The following ZBTB41 variants were observed in gnomAD, a reference collection of about 807,000 sequenced individuals.
ZBTB41 encodes the protein zinc finger and BTB domain containing 41, also known as zinc finger and BTB domain-containing protein 41.
In ZBTB41, 42 loss-of-function variants were observed where a neutral mutation model predicts 87.6. That is an observed-to-expected ratio of 0.48 (90% CI 0.37 to 0.62). ZBTB41 has a LOEUF of 0.62. Among genes scored for constraint, ZBTB41 ranks in the 20% least tolerant of loss-of-function variants. The pLI is 0.00. For missense variants in ZBTB41, 799 were observed against 1,078.9 expected (o/e 0.74, Z 3.63); for synonymous variants, 364 against 364.0 (o/e 1.00, Z 0.00).
Position 197,159,431 on chromosome 1 carries a change from A to G in ZBTB41, c.2658T>C (p.Tyr886=), listed in dbSNP as rs1296101885. Residue 886 remains tyrosine, a synonymous_variant, in exon 11 of 11, where the codon TAT becomes TAC. Coordinates refer to ENST00000367405, the MANE Select transcript of ZBTB41 (RefSeq NM_194314.3). ...EQMLDPREQS[Y]LGTLLGLDST... is the part of the protein sequence containing the mutation. ...TATCAAGGCCCAGTAATGTTCCAAG[A>G]TAAGATTGTTCTCTAGGATCTAGCA... The G allele has an allele frequency of 2.5e-6, 4 of 1,613,822 alleles. No homozygotes were observed. The highest frequency in any genetic ancestry group is 2.2e-5 in the East Asian group (1 of 44,896).
chr1:197,195,295 A>G (rs1173099137), intron 2 of ZBTB41, among the ~76,000 whole-genome samples: 1 of 152,242 alleles, frequency 6.6e-6, no homozygotes, highest in Non-Finnish European at 1.5e-5. Context: ...TCAAATCAGA[A>G]GTCATAAATT....
chr1:197,178,196 C>A (rs1659658172), intron 7 of ZBTB41, among the ~76,000 whole-genome samples: 1 of 151,488 alleles, frequency 6.6e-6, no homozygotes, highest in African/African-American at 2.4e-5. Context: ...AAGCCTTCTG[C>A]AAACTTGGTG....
chr1:197,166,614 G>A (rs1659349797), intron 10 of ZBTB41, among the ~76,000 whole-genome samples: 1 of 151,946 alleles, frequency 6.6e-6, no homozygotes, highest in Non-Finnish European at 1.5e-5. Context: ...GGGAGGCCGA[G>A]GTGGGTAGAT....
chr1:197,175,071 G>A lies in ZBTB41; in HGVS notation c.1924C>T (p.Arg642Cys), dbSNP rs984565878. 12 of 1,610,760 alleles carry A rather than the reference G, an allele frequency of 7.4e-6. No homozygotes were observed. The highest frequency in any genetic ancestry group is 2.2e-5 in the East Asian group (1 of 44,714). ...QCEECGKCFG[R>C]RDHLTVHYKS... ...TAATGAACAGTGAGATGATCCCTAC[G>A]ACCAAAACATTTTCCACATTCTTCA... The change falls in exon 9 of 11, where the codon CGT (arginine) becomes TGT (cysteine). Residue 642 changes from arginine to cysteine, a missense_variant. This residue lies in a region of ZBTB41 where 198 missense variants were observed against 358.4 expected (regional missense o/e 0.55). Transcript: ENST00000367405.
At chr1:197,179,812 T>C (rs1571657895) in intron 6 of ZBTB41, among the ~76,000 whole-genome samples, 1 of 152,198 alleles carries the variant, frequency 6.6e-6, no homozygotes, top group East Asian at 1.9e-4. Context: ...GAAAATAAAA[T>C]ATCTTTATGC....
At position 197,176,596 on chromosome 1, in the gene ZBTB41, T is replaced by C; in HGVS notation, c.1847A>G (p.Asp616Gly). ...TATTTTTTTGTGCTTTGTAAGGTGA[T>C]CATGACGGATAAATGTTTTTCCACA... Reference protein sequence around the residue: ...DECGKTFIRHDHLTKHKKIHS... With the variant: ...DECGKTFIRHGHLTKHKKIHS... Residue 616 changes from aspartate (D) to glycine (G), a missense_variant, in exon 8 of 11, where the codon GAT (aspartate) becomes GGT (glycine). Asp to Gly is a moderately conservative substitution (Grantham distance 94). Transcript: ENST00000367405. The C allele has an allele frequency of 6.2e-7, 1 of 1,612,224 alleles. No homozygotes were observed. Among genetic ancestry groups the C allele is most frequent in the South Asian group, 1.1e-5 (1 of 91,016 alleles).
chr1:197,174,883 C>T, intron 9 of ZBTB41, 127 bp downstream of exon 9: 1 of 613,598 alleles, frequency 1.6e-6, no homozygotes, highest in Non-Finnish European at 2.7e-6. Context: ...TATAGAGATG[C>T]TACAGAATGT....
At chr1:197,172,384 C>G (rs548724047) in intron 9 of ZBTB41, 136 bp from the exon 10 acceptor site, 10 of 244,660 alleles carry the variant, frequency 4.1e-5, no homozygotes, top group African/African-American at 6.9e-5. Flanking sequence ...GTATATAATT[C>G]TCACATTAAC....
intron 2 of ZBTB41, among the ~76,000 whole-genome samples, chr1:197,194,079 C>T (rs985237158): frequency 1.3e-5 from 2 of 151,852 alleles, no homozygotes; most frequent in East Asian, 1.9e-4. Context: ...AGTGCACTGG[C>T]GCGATCTCGG....
At chr1:197,166,588 G>A (rs939573636) in intron 10 of ZBTB41, among the ~76,000 whole-genome samples, 6 of 152,058 alleles carry the variant, frequency 3.9e-5, no homozygotes, top group African/African-American at 1.4e-4. Context: ...GCTCACACCT[G>A]TAATCCCAGC....
At chr1:197,183,902 C>T (rs1659818967) in intron 5 of ZBTB41, among the ~76,000 whole-genome samples, 1 of 152,134 alleles carries the variant, frequency 6.6e-6, no homozygotes, top group African/African-American at 2.4e-5. Context: ...TCTTCACCAG[C>T]TCTAACAGTT....
At position 197,198,261 on chromosome 1, in the gene ZBTB41, T is replaced by C. The variant is rs572903688; in HGVS notation, c.1120+1093A>G. On this transcript the variant is annotated intron_variant, in intron 2 of 10. Coordinates refer to ENST00000367405, the MANE Select transcript of ZBTB41 (RefSeq NM_194314.3). Reference sequence around the variant, plus strand: ...AATTATTAAATTAGATTGTCCAAAGTATTCTGATTCAGAGAGAAAATTATT... The same window carrying C: ...AATTATTAAATTAGATTGTCCAAAGCATTCTGATTCAGAGAGAAAATTATT... Among the ~76,000 whole-genome samples the C allele has an allele frequency of 3.9e-5, 6 of 152,222 alleles. No individual in the cohort carries two copies. In the South Asian group the frequency reaches 1.2e-3, roughly 32 times the overall value.
At chr1:197,169,794 C>T (rs1216709285) in intron 10 of ZBTB41, among the ~76,000 whole-genome samples, 4 of 151,806 alleles carry the variant, frequency 2.6e-5, no homozygotes, top group Admixed American at 2.6e-4. Context: ...CATCTTTATG[C>T]CAATTTAATG....
intron 2 of ZBTB41, among the ~76,000 whole-genome samples, chr1:197,194,675 C>A (rs1660118908): frequency 6.7e-6 from 1 of 148,404 alleles, no homozygotes. Flanking sequence ...CTGAAATAGC[C>A]AAATTTAGAA....
At chr1:197,186,940 C>T (rs1195349797) in intron 5 of ZBTB41, among the ~76,000 whole-genome samples, 1 of 152,090 alleles carries the variant, frequency 6.6e-6, no homozygotes, top group Admixed American at 6.5e-5. Flanking sequence ...CAAAGATATA[C>T]AGATGGTAAA....
chr1:197,197,029 A>C (rs974934260), intron 2 of ZBTB41, among the ~76,000 whole-genome samples: 3 of 152,144 alleles, frequency 2.0e-5, no homozygotes, highest in African/African-American at 7.2e-5. Flanking sequence ...ATATCATTTC[A>C]TATTTGTTTA....
intron 7 of ZBTB41, among the ~76,000 whole-genome samples, chr1:197,177,767 A>G (rs1659647806): frequency 6.6e-6 from 1 of 152,116 alleles, no homozygotes; most frequent in African/African-American, 2.4e-5. Context: ...TGCCAAAATA[A>G]GTGTTGATTT....
At chr1:197,189,194 G>A (rs1659958924) in intron 4 of ZBTB41, among the ~76,000 whole-genome samples, 1 of 152,106 alleles carries the variant, frequency 6.6e-6, no homozygotes, top group East Asian at 1.9e-4. Flanking sequence ...TTGGATTAAA[G>A]AAGGCAAAAA....
chr1:197,171,713 G>A (rs1258931116), intron 10 of ZBTB41, among the ~76,000 whole-genome samples: 1 of 151,800 alleles, frequency 6.6e-6, no homozygotes, highest in African/African-American at 2.4e-5. Flanking sequence ...ATGTAAAAAG[G>A]AAAATGAAAC....
Sources: gnomAD v4.1 joint callset for allele counts (sites outside exome capture counted in the v4.1 genomes callset) on GRCh38, gnomAD v4.1.1 for gene constraint, gnomAD v4.1.1 regional missense constraint, MANE v1.5 for transcripts, NCBI Gene and HGNC (gene_info 2026-07-23, HGNC 2026-07-21) for gene names.